The following SCFD2 variants were observed in gnomAD, a reference collection of about 807,000 sequenced individuals.
SCFD2 encodes the protein sec1 family domain-containing protein 2.
In SCFD2, 54 loss-of-function variants were observed where a neutral mutation model predicts 58.9. The ratio of observed to expected loss-of-function variants is 0.92; its 90% CI spans 0.74 to 1.15. The LOEUF (loss-of-function observed/expected upper bound fraction) is 1.15, where lower values mean the gene tolerates loss of function less well. Ranked by LOEUF, SCFD2 falls within the 50% of genes most tolerant of loss-of-function variation. SCFD2 has a pLI of 0.00. For missense variants in SCFD2, 805 were observed against 836.6 expected, an observed-to-expected ratio of 0.96 and a Z score of 0.47; for synonymous variants, 321 against 335.9, an observed-to-expected ratio of 0.96 and a Z score of 0.49.
At chr4:53,000,847 C>T (rs142203167) in intron 5 of SCFD2, among the ~76,000 whole-genome samples, 49 of 152,296 alleles carry the variant, frequency 3.2e-4, no homozygotes, top group South Asian at 6.2e-4. Context: ...GAAAAAGGGT[C>T]TTTGCCTACC....
chr4:52,989,112 A>G (rs929741858), intron 5 of SCFD2, among the ~76,000 whole-genome samples: 1 of 152,026 alleles, frequency 6.6e-6, no homozygotes, highest in Non-Finnish European at 1.5e-5. Context: ...GGGAGTCCAG[A>G]CTCCCACCTG....
intron 5 of SCFD2, among the ~76,000 whole-genome samples, chr4:53,127,673 A>G (rs1725667115): frequency 6.6e-6 from 1 of 152,178 alleles, no homozygotes; most frequent in Non-Finnish European, 1.5e-5. Context: ...GTTGCAGAGA[A>G]CTGCTCTTGC....
At chr4:53,033,228 T>A (rs1722664863) in intron 5 of SCFD2, among the ~76,000 whole-genome samples, 1 of 151,736 alleles carries the variant, frequency 6.6e-6, no homozygotes, top group Non-Finnish European at 1.5e-5. Flanking sequence ...ACTGGGTAAA[T>A]AACGAAATGA....
intron 2 of SCFD2, among the ~76,000 whole-genome samples, chr4:53,322,313 G>A (rs952171486): frequency 4.6e-5 from 7 of 152,022 alleles, no homozygotes; most frequent in Non-Finnish European, 8.8e-5. Flanking sequence ...CATTATACAC[G>A]AATTATAATG....
At chr4:52,927,712 C>T (rs1182540766) in intron 5 of SCFD2, among the ~76,000 whole-genome samples, 1 of 152,178 alleles carries the variant, frequency 6.6e-6, no homozygotes, top group African/African-American at 2.4e-5. Context: ...CAGAAACACA[C>T]AACTCAGCTG....
chr4:53,120,221 TA>T (rs1223468108), intron 5 of SCFD2, among the ~76,000 whole-genome samples: 1 of 152,110 alleles, frequency 6.6e-6, no homozygotes, highest in Non-Finnish European at 1.5e-5. Flanking sequence ...AAAACTAAAT[TA>T]AAAAAAGTTC....
chr4:53,271,551 C>T (rs1200314451), intron 4 of SCFD2, among the ~76,000 whole-genome samples: 1 of 151,906 alleles, frequency 6.6e-6, no homozygotes, highest in Non-Finnish European at 1.5e-5. Context: ...CAACCTCTGC[C>T]TCCCAGGTTC....
At chr4:53,224,310 A>G (rs1259534187) in intron 4 of SCFD2, among the ~76,000 whole-genome samples, 3 of 148,674 alleles carry the variant, frequency 2.0e-5, no homozygotes, top group African/African-American at 7.5e-5. Flanking sequence ...GATCGCTTGA[A>G]CCTGGGAGGC....
intron 4 of SCFD2, among the ~76,000 whole-genome samples, chr4:53,174,249 G>A (rs1727262578): frequency 6.6e-6 from 1 of 151,872 alleles, no homozygotes; most frequent in South Asian, 2.1e-4. Context: ...AAAAAATGAA[G>A]AGGAGACATA....
chr4:53,268,297 C>T (rs1469325367), intron 4 of SCFD2, among the ~76,000 whole-genome samples: 1 of 152,072 alleles, frequency 6.6e-6, no homozygotes, highest in East Asian at 1.9e-4. Flanking sequence ...GGATCCAGGG[C>T]AGGGGATCAC....
chr4:52,920,484 A>C (rs1157885611), intron 6 of SCFD2, among the ~76,000 whole-genome samples: 5 of 152,184 alleles, frequency 3.3e-5, no homozygotes, highest in Non-Finnish European at 5.9e-5. Context: ...ACCCACAGTT[A>C]GAAAGCCATG....
intron 4 of SCFD2, among the ~76,000 whole-genome samples, chr4:53,255,058 A>G (rs1285619570): frequency 1.3e-5 from 2 of 150,514 alleles, no homozygotes; most frequent in Non-Finnish European, 1.5e-5. Flanking sequence ...TTTTTAGTAG[A>G]GACGGGGTTT....
chr4:53,248,625 G>T (rs372651102), intron 4 of SCFD2, among the ~76,000 whole-genome samples: 3 of 152,178 alleles, frequency 2.0e-5, no homozygotes, highest in Non-Finnish European at 4.4e-5. Context: ...CCTGACCCCC[G>T]AGCAGCCTAA....
chr4:53,034,988 T>G (rs2148820812), intron 5 of SCFD2, among the ~76,000 whole-genome samples: 2 of 152,262 alleles, frequency 1.3e-5, no homozygotes, highest in South Asian at 4.1e-4. Context: ...AAACTTCATA[T>G]GGAACCAAAA....
At chr4:52,905,665 T>C (rs796437703) in intron 7 of SCFD2, among the ~76,000 whole-genome samples, 100 of 152,278 alleles carry the variant, frequency 6.6e-4, no homozygotes, top group African/African-American at 2.2e-3. Flanking sequence ...GGGTTTGAAA[T>C]GGAGAGAAAC....
rs1016847024 is a variant in SCFD2, at chr4:53,101,499, G to T, written c.1561+43834C>A. ...AATTACTCATGGAAGAAATATCTCT[G>T]ATGCATAACACACAGTCTGGCTGTA... On this transcript the variant is annotated intron_variant, in intron 5 of 8. Transcript: ENST00000401642. Among the ~76,000 whole-genome samples the T allele has an allele frequency of 3.3e-5, 5 of 152,174 alleles. 1 individual carries two copies. The highest frequency in any genetic ancestry group is 2.6e-4 in the Admixed American group (4 of 15,264).
chr4:53,140,835 C>T (rs2148908861), intron 5 of SCFD2, among the ~76,000 whole-genome samples: 1 of 152,216 alleles, frequency 6.6e-6, no homozygotes, highest in East Asian at 1.9e-4. Context: ...GCTACAGATC[C>T]ACAATACCTG....
intron 5 of SCFD2, among the ~76,000 whole-genome samples, chr4:53,113,047 G>A (rs1725216206): frequency 6.6e-6 from 1 of 152,038 alleles, no homozygotes; most frequent in Non-Finnish European, 1.5e-5. Context: ...ACAAGGCCTT[G>A]AGTTACTCTG....
chr4:53,102,555 C>G (rs868013662), intron 5 of SCFD2, among the ~76,000 whole-genome samples: 1 of 151,608 alleles, frequency 6.6e-6, no homozygotes, highest in South Asian at 2.1e-4. Flanking sequence ...CAAAAGTACT[C>G]TAGAAAATGG....
Sources: gnomAD v4.1 joint callset for allele counts (sites outside exome capture counted in the v4.1 genomes callset) on GRCh38, gnomAD v4.1.1 for gene constraint, MANE v1.5 for transcripts, NCBI Gene and HGNC (gene_info 2026-07-23, HGNC 2026-07-21) for gene names.